The following GATM variants were observed in gnomAD, a reference collection of about 807,000 sequenced individuals.
GATM encodes glycine amidinotransferase, mitochondrial.
In GATM, 23 loss-of-function variants were observed where a neutral mutation model predicts 54.2. The observed-to-expected ratio is 0.42, with a 90% CI of 0.31 to 0.60. The LOEUF (loss-of-function observed/expected upper bound fraction) is 0.60, where lower values mean the gene tolerates loss of function less well. GATM is among the 20% of genes least tolerant of loss of function. The pLI, the probability that GATM is intolerant of heterozygous loss-of-function variation, is 0.14. For missense variants in GATM, 401 were observed against 544.9 expected (o/e 0.74, Z 2.63); for synonymous variants, 168 against 183.1 (o/e 0.92, Z 0.67).
At position 45,368,483 on chromosome 15, in the gene GATM, C is replaced by T. The variant is rs147579628; in HGVS notation, c.485-223G>A. 5.1e-3 allele frequency among the ~76,000 whole-genome samples: 781 copies of T among 151,960 alleles called. 6 individuals are homozygous for T. Among genetic ancestry groups the T allele is most frequent in the Non-Finnish European group, 6.6e-3 (447 of 67,960 alleles). On this transcript the variant is annotated intron_variant, in intron 3 of 8. Coordinates refer to ENST00000396659, the MANE Select transcript of GATM (RefSeq NM_001482.3). This position sits in a 1 kb window ranked among gnomAD's most constrained non-coding sequence, Gnocchi z 5.1. ...AAACAATTAGCCAGGCATGGTGGCA[C>T]GTGCCTGTAATCCTAGCTACTCGGG...
intron 8 of GATM, chr15:45,363,606 T>C: frequency 2.0e-6 from 1 of 508,552 alleles, no homozygotes; most frequent in Admixed American, 3.6e-5. Flanking sequence ...TCTGCTCACC[T>C]GCAAAGGGGT....
chr15:45,399,506 T>C (rs1478097074), intron 2 of GATM: 1 of 152,788 alleles, frequency 6.5e-6, no homozygotes, highest in Non-Finnish European at 1.5e-5. Flanking sequence ...TTCCACCATG[T>C]GCAGGTACAA....
At chr15:45,387,923 T>A (rs1481106544) in intron 3 of GATM, among the ~76,000 whole-genome samples, 1 of 152,232 alleles carries the variant, frequency 6.6e-6, no homozygotes, top group East Asian at 1.9e-4. Flanking sequence ...TTTGATTTTA[T>A]ACTCTGGGAA....
In GATM at chr15:45,361,968, C is replaced by G; in HGVS notation, c.*141G>C. Reference sequence around the variant, plus strand: ...TTATGTCAAAGAAAAGTAATAGAAGCAAACCAGGCTTACGACCCCTGTTAA... The same window carrying G: ...TTATGTCAAAGAAAAGTAATAGAAGGAAACCAGGCTTACGACCCCTGTTAA... On this transcript the variant is annotated 3_prime_UTR_variant, in exon 9 of 9. Coordinates refer to ENST00000396659, the MANE Select transcript of GATM (RefSeq NM_001482.3). 3.0e-6 allele frequency: 2 copies of G among 672,218 alleles called. No homozygotes were observed. Among genetic ancestry groups the G allele is most frequent in the South Asian group, 1.6e-5 (1 of 63,264 alleles). The allele number at this position is 672,218 out of a possible 1,614,324, so 41.6% of individuals were successfully genotyped here. A position where few individuals can be genotyped will look rare whatever the true frequency, so the allele number is the denominator to read the frequency against.
chr15:45,384,983 C>T (rs570523358), intron 3 of GATM, among the ~76,000 whole-genome samples: 2 of 152,308 alleles, frequency 1.3e-5, no homozygotes, highest in South Asian at 4.1e-4. Flanking sequence ...AATGAGATTA[C>T]AGGTGTGAGC....
At chr15:45,381,752 G>T (rs1351784595), upstream of GATM, among the ~76,000 whole-genome samples, 1 of 152,136 alleles carries the variant, frequency 6.6e-6, no homozygotes, top group Non-Finnish European at 1.5e-5. Context: ...TTAGGGGAAG[G>T]ATATCTCTCA....
At chr15:45,376,546 C>G (rs1162843023) in intron 2 of GATM, 55 bp downstream of exon 2, 3 of 1,428,734 alleles carry the variant, frequency 2.1e-6, no homozygotes, top group Non-Finnish European at 2.0e-6. Context: ...CAGAGGGTAG[C>G]AGCAGCAGGT....
chr15:45,388,619 T>C (rs1204863908), intron 3 of GATM, among the ~76,000 whole-genome samples: 1 of 152,242 alleles, frequency 6.6e-6, no homozygotes, highest in East Asian at 1.9e-4. Context: ...TCAGATATTT[T>C]GTAGTCTATG....
intron 2 of GATM, among the ~76,000 whole-genome samples, chr15:45,399,385 A>G (rs1210050588): frequency 5.3e-5 from 8 of 152,154 alleles, no homozygotes; most frequent in Non-Finnish European, 1.2e-4. Flanking sequence ...CCTTGAGATG[A>G]TGGTAGTAGG....
chr15:45,366,605 C>T, intron 4 of GATM, 97 bp from the exon 5 acceptor site: 1 of 1,357,960 alleles, frequency 7.4e-7, no homozygotes, highest in East Asian at 2.4e-5. Flanking sequence ...AACATCATTT[C>T]CCAAAATATT....
At chr15:45,381,875 G>A (rs751169844), upstream of GATM, among the ~76,000 whole-genome samples, 1 of 152,160 alleles carries the variant, frequency 6.6e-6, no homozygotes, top group Non-Finnish European at 1.5e-5. Context: ...TATTATTTGG[G>A]CTGCATCAAT....
At chr15:45,376,868 C>G in intron 1 of GATM, 49 bp from the exon 2 acceptor site, 1 of 1,511,810 alleles carries the variant, frequency 6.6e-7, no homozygotes, top group South Asian at 1.2e-5. Flanking sequence ...TCTATCAGTA[C>G]TTACAGAGAG....
intron 1 of GATM, 124 bp from the exon 2 acceptor site, chr15:45,376,943 T>G: frequency 1.2e-6 from 1 of 863,842 alleles, no homozygotes; most frequent in East Asian, 2.6e-5. Flanking sequence ...TAGAACAGCA[T>G]AAACCAAGAC....
At chr15:45,383,498 A>G (rs1889769208), upstream of GATM, among the ~76,000 whole-genome samples, 1 of 152,230 alleles carries the variant, frequency 6.6e-6, no homozygotes, top group Non-Finnish European at 1.5e-5. Context: ...TTAGTCTTCA[A>G]ATACCCTTCT....
At chr15:45,377,795 T>C in intron 1 of GATM, 1 of 156,364 alleles carries the variant, frequency 6.4e-6, no homozygotes, top group Non-Finnish European at 1.4e-5. Flanking sequence ...GCGCAGAAAC[T>C]CTGCTTACAG....
intron 2 of GATM, among the ~76,000 whole-genome samples, chr15:45,373,918 C>T (rs972399497): frequency 5.3e-5 from 8 of 152,094 alleles, no homozygotes; most frequent in South Asian, 2.1e-4. Flanking sequence ...AAGAACCAGA[C>T]GAATGAAATC....
chr15:45,382,661 T>C (rs1488165109), upstream of GATM, among the ~76,000 whole-genome samples: 2 of 152,016 alleles, frequency 1.3e-5, no homozygotes, highest in Non-Finnish European at 2.9e-5. Context: ...GGCGTGTTGG[T>C]GCACACCTGT....
Position 45,378,488 on chromosome 15 carries a change from C to T in GATM, c.-35G>A, listed in dbSNP as rs1179409809. The T allele has an allele frequency of 1.4e-6, 2 of 1,392,564 alleles. No homozygotes were observed. The highest frequency in any genetic ancestry group is 6.6e-5 in the Admixed American group (2 of 30,426). 86.3% of individuals were successfully genotyped at this position (1,392,564 alleles called of 1,614,324 possible). On this transcript the variant is annotated 5_prime_UTR_variant, in exon 1 of 9. Transcript: ENST00000396659. Reference sequence around the variant, plus strand: ...CCGGCTGGTCCACGCGCGGAATGTTCCTGGCCTCTGGGCCGCGTCGGTCCA... The same window carrying T: ...CCGGCTGGTCCACGCGCGGAATGTTTCTGGCCTCTGGGCCGCGTCGGTCCA...
intron 2 of GATM, among the ~76,000 whole-genome samples, chr15:45,375,460 G>T (rs1020248191): frequency 4.6e-5 from 7 of 152,308 alleles, no homozygotes; most frequent in African/African-American, 1.7e-4. Flanking sequence ...CTAGGTGGTG[G>T]TAGGTTTAAA....
Sources: gnomAD v4.1 joint callset for allele counts (sites outside exome capture counted in the v4.1 genomes callset) on GRCh38, gnomAD v4.1.1 for gene constraint, Gnocchi (gnomAD v3.1) non-coding constraint, MANE v1.5 for transcripts, NCBI Gene and HGNC (gene_info 2026-07-23, HGNC 2026-07-21) for gene names.